Variants in CCDC57 observed in about 807,000 individuals in gnomAD.
CCDC57 encodes the protein coiled-coil domain-containing protein 57.
Under a neutral mutation model 118.9 loss-of-function variants are expected in CCDC57, and 118 were observed. The ratio of observed to expected loss-of-function variants is 0.99; its 90% confidence interval spans 0.86 to 1.16. CCDC57 has a LOEUF of 1.16. Ranked by LOEUF, CCDC57 falls within the 50% of genes most tolerant of loss-of-function variation. CCDC57 has a pLI of 0.00. For missense variants in CCDC57, 1,300 were observed against 1,320.7 expected (o/e 0.98, Z 0.24); for synonymous variants, 527 against 532.9 (o/e 0.99, Z 0.15).
rs374799945 is a variant in CCDC57 at position 82,183,976 on chromosome 17, T to C, written c.1053-44A>G. 8.0e-4 allele frequency: 1,266 copies of C among 1,582,934 alleles called. 1 individual carries two copies. Among genetic ancestry groups the C allele is most frequent in the South Asian group, 1.5e-3 (137 of 89,698 alleles). On this transcript the variant is annotated intron_variant, in intron 8 of 19. Coordinates refer to ENST00000665763, the Ensembl canonical transcript of CCDC57. ...CTATGTAGATGTGGTTCTCACTCACTAAAGTTGTCTCTTACACAGCACCCC... is the reference window on the plus strand; with the variant it reads ...CTATGTAGATGTGGTTCTCACTCACCAAAGTTGTCTCTTACACAGCACCCC...
In CCDC57 at chr17:82,148,361, A is replaced by G. The variant is rs1258851546; in HGVS notation, c.2455+3199T>C. Among the ~76,000 whole-genome samples, 32 of 3,220 alleles carry G rather than the reference A, an allele frequency of 9.9e-3. 2 individuals carry two copies. Among genetic ancestry groups the G allele is most frequent in the East Asian group, 0.11 (2 of 18 alleles). 2.1% of individuals were successfully genotyped at this position (3,220 alleles called of 152,430 possible). On this transcript the variant is annotated intron_variant, in intron 16 of 19. Transcript: ENST00000665763. ...GATGGATGGATAGGTGGGTGGATGG[A>G]TGGGTGGATGGGTGGGTGGGTGAAT...
At chr17:82,169,294 T>C (rs1375938932) in intron 13 of CCDC57, among the ~76,000 whole-genome samples, 2 of 151,882 alleles carry the variant, frequency 1.3e-5, no homozygotes, top group African/African-American at 4.8e-5. Flanking sequence ...GCCCAGCTAA[T>C]TTTTTTGTAT....
intron 1 of CCDC57, among the ~76,000 whole-genome samples, chr17:82,209,087 T>G (rs2049993539): frequency 6.6e-6 from 1 of 152,144 alleles, no homozygotes; most frequent in Admixed American, 6.5e-5. Context: ...ACCCCGTGTT[T>G]TTTTTCACTT....
chr17:82,143,363 A>G (rs1196899627), intron 16 of CCDC57, among the ~76,000 whole-genome samples: 1 of 152,222 alleles, frequency 6.6e-6, no homozygotes, highest in Non-Finnish European at 1.5e-5. Flanking sequence ...CAAGAACAAA[A>G]AGAGAAAAGA....
chr17:82,151,462 A>C, intron 16 of CCDC57, 98 bp downstream of exon 15: 2 of 1,110,498 alleles, frequency 1.8e-6, no homozygotes, highest in Non-Finnish European at 2.5e-6. Context: ...CACCCCCAGA[A>C]TCTGACCCAC....
At position 82,195,367 on chromosome 17, in the gene CCDC57, G is replaced by C; in HGVS notation, c.517-3C>G. On this transcript the variant is annotated splice_polypyrimidine_tract_variant and splice_region_variant and intron_variant, in intron 4 of 19. Transcript: ENST00000665763. The stretch of plus-strand genomic sequence containing the variant: ...GATTCAAACTCCAGCAGCAGTTCCT[G>C]GAACAAACAGGTTTCATGATGAAAG... 6.3e-7 allele frequency: 1 copy of C among 1,581,588 alleles called. No homozygotes were observed. The highest frequency in any genetic ancestry group is 1.2e-5 in the South Asian group (1 of 86,050).
chr17:82,121,327 C>T (rs1185745775), intron 19 of CCDC57, among the ~76,000 whole-genome samples: 1 of 152,226 alleles, frequency 6.6e-6, no homozygotes, highest in Non-Finnish European at 1.5e-5. Flanking sequence ...CTGCTGAGGC[C>T]CCCAGTGCTT....
chr17:82,201,562 C>T lies in CCDC57; in HGVS notation c.383G>A (p.Arg128His), dbSNP rs767685152. 7.5e-6 allele frequency: 12 copies of T among 1,609,484 alleles called. No individual in the cohort carries two copies. Among genetic ancestry groups the T allele is most frequent in the East Asian group, 6.7e-5 (3 of 44,792 alleles). Residue 128 changes from arginine to histidine, a missense_variant, in exon 3 of 20, where the codon CGC (arginine) becomes CAC (histidine). Arg to His is a conservative substitution (Grantham distance 29). Transcript: ENST00000665763. The stretch of plus-strand genomic sequence containing the variant: ...CCTGTGGACGCGCTCCAGCTCCAGG[C>T]GATGCTCCTGGAATGCCAGCTGCTG...
chr17:82,163,161 C>A, intron 14 of CCDC57, 39 bp downstream of exon 13: 1 of 1,600,272 alleles, frequency 6.2e-7, no homozygotes, highest in Non-Finnish European at 8.5e-7. Flanking sequence ...CCAGCAGCGG[C>A]TCTCTAGGAG....
intron 16 of CCDC57, among the ~76,000 whole-genome samples, chr17:82,142,622 A>G (rs9898697): frequency 0.48 from 72,475 of 151,982 alleles, 18,076 homozygotes; most frequent in East Asian, 0.88. Context: ...TAGCACTGAA[A>G]TTTATAAAAC....
At chr17:82,139,551 T>C (rs1471657292) in intron 16 of CCDC57, among the ~76,000 whole-genome samples, 1 of 152,158 alleles carries the variant, frequency 6.6e-6, no homozygotes, top group Non-Finnish European at 1.5e-5. Context: ...AGATGGTGCT[T>C]TGCCATGTTG....
chr17:82,195,895 A>G (rs985160820), intron 4 of CCDC57, among the ~76,000 whole-genome samples: 2 of 152,214 alleles, frequency 1.3e-5, no homozygotes, highest in African/African-American at 4.8e-5. Flanking sequence ...AGTTTCCCCT[A>G]GTAACCAAAG....
chr17:82,162,584 C>T (rs554552343), intron 14 of CCDC57, among the ~76,000 whole-genome samples: 1 of 148,300 alleles, frequency 6.7e-6, no homozygotes, highest in African/African-American at 2.5e-5. Flanking sequence ...GGGCAGGTGG[C>T]ATCGGGCAGC....
intron 19 of CCDC57, among the ~76,000 whole-genome samples, chr17:82,109,687 C>T (rs558120912): frequency 1.1e-4 from 16 of 152,074 alleles, no homozygotes; most frequent in Admixed American, 7.2e-4. Context: ...GAAACTCCGT[C>T]TCTACTAAAA....
intron 16 of CCDC57, chr17:82,145,892 G>T: frequency 2.3e-6 from 1 of 440,062 alleles, no homozygotes; most frequent in South Asian, 1.6e-5. Flanking sequence ...GTGTTGGCAG[G>T]AACCAGTGTC....
At chr17:82,195,502 G>C in intron 4 of CCDC57, 138 bp from the exon 4 acceptor site, 1 of 699,016 alleles carries the variant, frequency 1.4e-6, no homozygotes, top group Non-Finnish European at 2.5e-6. Flanking sequence ...GTCCAGGAGA[G>C]AAGCTGGGGT....
At position 82,192,903 on chromosome 17, in the gene CCDC57, T is replaced by C. The variant is rs1009065991; in HGVS notation, c.851+853A>G. On this transcript the variant is annotated intron_variant, in intron 7 of 19. Transcript: ENST00000665763. This position sits in a 1 kb window ranked among gnomAD's most constrained non-coding sequence, Gnocchi z 4.0. Reference sequence around the variant, plus strand: ...TGTCCATCGCCGTTGTATTACACAGTGTCTTTTTGTATTTTTAGTAGAGAT... The same window carrying C: ...TGTCCATCGCCGTTGTATTACACAGCGTCTTTTTGTATTTTTAGTAGAGAT... Among the ~76,000 whole-genome samples the C allele has an allele frequency of 2.6e-5, 4 of 151,928 alleles. No individual in the cohort carries two copies. Among genetic ancestry groups the C allele is most frequent in the African/African-American group, 9.7e-5 (4 of 41,346 alleles).
In CCDC57 at chr17:82,212,390, TTC is replaced by T. The variant is rs1491236898; in HGVS notation, c.-211+393_-211+394del. Among the ~76,000 whole-genome samples the T allele has an allele frequency of 1.7e-4, 6 of 35,288 alleles. No homozygotes were observed. Among genetic ancestry groups the T allele is most frequent in the Admixed American group, 7.6e-4 (2 of 2,636 alleles). The allele number at this position is 35,288 out of a possible 152,430, so 23.2% of individuals were successfully genotyped here. On this transcript the variant is annotated intron_variant, in intron 1 of 19. Transcript: ENST00000665763. The surrounding 1 kb of genome is among the most constrained non-coding windows in gnomAD (Gnocchi z 4.1). ...GAACCACCGCCTCCGGCCTTTTTTT[TTC>T]CTCTCTTTTTTTTTTTTTTTTTTTA...
At chr17:82,195,611 G>T (rs922360039) in intron 4 of CCDC57, among the ~76,000 whole-genome samples, 1 of 151,344 alleles carries the variant, frequency 6.6e-6, no homozygotes, top group Non-Finnish European at 1.5e-5. Flanking sequence ...AGGCCCTGTC[G>T]CTACAGAAAA....
Sources: allele counts gnomAD v4.1 joint callset (sites outside exome capture counted in the v4.1 genomes callset), GRCh38; gene constraint gnomAD v4.1.1; non-coding constraint Gnocchi (gnomAD v3.1); transcripts MANE v1.5; gene names NCBI Gene and HGNC (gene_info 2026-07-23, HGNC 2026-07-21).